Variants in GRAMD1B observed in about 807,000 individuals in gnomAD.
The protein encoded by GRAMD1B is protein Aster-B.
In GRAMD1B, 37 loss-of-function variants were observed where a neutral mutation model predicts 99.7. That is an observed-to-expected ratio of 0.37 (90% CI 0.29 to 0.49). GRAMD1B has a LOEUF of 0.49. Ranked by LOEUF, GRAMD1B falls within the 20% of genes least tolerant of loss-of-function variation. The probability of loss-of-function intolerance (pLI) is 0.98; values close to 1 mark genes in which losing one functional copy is unlikely to be tolerated. For missense variants in GRAMD1B, 888 were observed against 1,009.2 expected, an observed-to-expected ratio of 0.88 and a Z score of 1.63; for synonymous variants, 427 against 387.6, an observed-to-expected ratio of 1.10 and a Z score of -1.19.
chr11:123,451,181 A>C (rs1011743283), intron 1 of GRAMD1B, among the ~76,000 whole-genome samples: 3 of 152,188 alleles, frequency 2.0e-5, no homozygotes, highest in African/African-American at 7.2e-5. Flanking sequence ...ACAATTTACC[A>C]GGCCATGGGC....
intron 1 of GRAMD1B, among the ~76,000 whole-genome samples, chr11:123,448,356 G>A (rs1021423946): frequency 9.2e-6 from 1 of 108,496 alleles, no homozygotes; most frequent in Non-Finnish European, 1.9e-5. Context: ...GGGTTCAAGC[G>A]ATTCTCGTGT....
rs1036197014 is a variant in GRAMD1B at position 123,440,003 on chromosome 11, G to C, written c.374+8837G>C. On this transcript the variant is annotated intron_variant, in intron 1 of 19. Transcript: ENST00000635736. Reference sequence around the variant, plus strand: ...TGCAGCCATAGAAAAATAATTTTCTGGGGGAGGGGGAGCGCCCAGTTTGGG... The same window carrying C: ...TGCAGCCATAGAAAAATAATTTTCTCGGGGAGGGGGAGCGCCCAGTTTGGG... 2.0e-5 allele frequency among the ~76,000 whole-genome samples: 3 copies of C among 152,186 alleles called. No homozygotes were observed. In the East Asian group the frequency reaches 5.8e-4, roughly 29 times the overall value.
chr11:123,530,891 C>G (rs1262879207), intron 2 of GRAMD1B, among the ~76,000 whole-genome samples: 1 of 152,096 alleles, frequency 6.6e-6, no homozygotes, highest in African/African-American at 2.4e-5. Context: ...TGCTGTGTGG[C>G]CCTGGTAGGT....
chr11:123,581,039 C>T (rs985130068), intron 3 of GRAMD1B, among the ~76,000 whole-genome samples: 3 of 152,010 alleles, frequency 2.0e-5, no homozygotes, highest in Non-Finnish European at 4.4e-5. Context: ...CCCCTACCTC[C>T]TCCACACCCC....
chr11:123,436,029 G>C (rs528207022), intron 1 of GRAMD1B, among the ~76,000 whole-genome samples: 1 of 141,892 alleles, frequency 7.0e-6, no homozygotes, highest in Non-Finnish European at 1.5e-5. Flanking sequence ...TGCAGCCTCT[G>C]CCTCCTGGGT....
intron 17 of GRAMD1B, among the ~76,000 whole-genome samples, chr11:123,618,034 C>T (rs1954677645): frequency 6.6e-6 from 1 of 152,190 alleles, no homozygotes; most frequent in Non-Finnish European, 1.5e-5. Flanking sequence ...TAAGAGGTAT[C>T]ATTGGCAGAG....
intron 1 of GRAMD1B, among the ~76,000 whole-genome samples, chr11:123,413,668 T>C (rs1948128899): frequency 6.6e-6 from 1 of 151,500 alleles, no homozygotes; most frequent in South Asian, 2.1e-4. Flanking sequence ...GCCTGAGGAG[T>C]AGGCAGATCC....
At chr11:123,496,420 A>G (rs569524538) in intron 2 of GRAMD1B, among the ~76,000 whole-genome samples, 31 of 152,074 alleles carry the variant, frequency 2.0e-4, no homozygotes, top group Non-Finnish European at 2.4e-4. Context: ...GAATTTGACT[A>G]CTAAATGCCT....
At chr11:123,424,490 A>G (rs536702714) in intron 1 of GRAMD1B, among the ~76,000 whole-genome samples, 2 of 152,086 alleles carry the variant, frequency 1.3e-5, no homozygotes, top group East Asian at 3.9e-4. Context: ...CAACCAACCA[A>G]AAACCCTTCT....
At chr11:123,605,111 G>A (rs1200337255) in intron 9 of GRAMD1B, among the ~76,000 whole-genome samples, 1 of 152,130 alleles carries the variant, frequency 6.6e-6, no homozygotes, top group Admixed American at 6.5e-5. Context: ...ATTTTACATG[G>A]GGGGCAGGGA....
chr11:123,430,753 T>A lies in GRAMD1B; in HGVS notation c.-40T>A. 1.6e-6 allele frequency: 1 copy of A among 617,386 alleles called. No individual in the cohort carries two copies. The highest frequency in any genetic ancestry group is 2.9e-6 in the Non-Finnish European group (1 of 348,224). The allele number at this position is 617,386 out of a possible 1,614,324, so 38.2% of individuals were successfully genotyped here. A position where few individuals can be genotyped will look rare whatever the true frequency, so the allele number is the denominator to read the frequency against. On this transcript the variant is annotated 5_prime_UTR_variant, in exon 1 of 20. Transcript: ENST00000635736. The stretch of plus-strand genomic sequence containing the variant: ...CAGAGGGAGACGCGAACCAGGCCGC[T>A]GGCGGAGGGCTCAGGGGGAGCGCAG...
chr11:123,419,698 AGTGTGTGTGTGTGTGT>A (rs3222403), intron 1 of GRAMD1B, among the ~76,000 whole-genome samples: 172 of 134,078 alleles, frequency 1.3e-3, no homozygotes, highest in East Asian at 2.6e-3. Flanking sequence ...GGAATTTCTA[AGTGTGTGTGTGTGTGT>A]GTGTGTGTGT....
chr11:123,532,529 G>C (rs948365686), intron 2 of GRAMD1B, among the ~76,000 whole-genome samples: 1 of 152,210 alleles, frequency 6.6e-6, no homozygotes, highest in African/African-American at 2.4e-5. Flanking sequence ...ACGGGCTGAT[G>C]CCTCTTCCTA....
chr11:123,606,084 A>G (rs1265693195), intron 10 of GRAMD1B, among the ~76,000 whole-genome samples: 1 of 152,198 alleles, frequency 6.6e-6, no homozygotes, highest in Non-Finnish European at 1.5e-5. Context: ...AGAGCCTTGT[A>G]TTTCAGTAGG....
intron 1 of GRAMD1B, among the ~76,000 whole-genome samples, chr11:123,384,178 C>G (rs1591395490): frequency 2.0e-5 from 3 of 152,224 alleles, no homozygotes; most frequent in African/African-American, 7.2e-5. Context: ...CCCATCCATT[C>G]ATCTTTAAAA....
At chr11:123,419,563 C>T (rs967947047) in intron 1 of GRAMD1B, among the ~76,000 whole-genome samples, 3 of 152,106 alleles carry the variant, frequency 2.0e-5, no homozygotes, top group South Asian at 2.1e-4. Flanking sequence ...GCCAGGAGTT[C>T]GAGGCTGCAG....
chr11:123,450,113 G>T (rs1373807391), intron 1 of GRAMD1B, among the ~76,000 whole-genome samples: 3 of 152,136 alleles, frequency 2.0e-5, no homozygotes, highest in African/African-American at 7.2e-5. Flanking sequence ...CCAAAATGAG[G>T]TTCCAGAGAG....
chr11:123,400,898 T>C (rs533372450), intron 1 of GRAMD1B, among the ~76,000 whole-genome samples: 308 of 152,292 alleles, frequency 2.0e-3, no homozygotes, highest in African/African-American at 6.9e-3. Flanking sequence ...CCTCATTTTA[T>C]AGATGAAAAA....
intron 2 of GRAMD1B, among the ~76,000 whole-genome samples, chr11:123,563,442 T>A (rs1037464636): frequency 6.6e-6 from 1 of 151,932 alleles, no homozygotes; most frequent in Non-Finnish European, 1.5e-5. Flanking sequence ...TGAACTGACC[T>A]GCAGTCCAGG....
Sources: allele counts gnomAD v4.1 joint callset (sites outside exome capture counted in the v4.1 genomes callset), GRCh38; gene constraint gnomAD v4.1.1; transcripts MANE v1.5; gene names NCBI Gene and HGNC (gene_info 2026-07-23, HGNC 2026-07-21).